SERAC1: variants seen among roughly 807,000 people sequenced by gnomAD.
The protein encoded by SERAC1 is serine active site containing 1, also known as protein SERAC1.
SERAC1 carries 36 observed loss-of-function variants against 85.7 expected under a neutral mutation model. The observed-to-expected ratio is 0.42, with a 90% CI of 0.32 to 0.55. SERAC1 has a LOEUF of 0.55. SERAC1 is among the 20% of genes least tolerant of loss of function. The probability of loss-of-function intolerance (pLI) is 0.11; values close to 1 mark genes in which losing one functional copy is unlikely to be tolerated. For missense variants in SERAC1, 629 were observed against 796.2 expected (o/e 0.79, Z 2.53); for synonymous variants, 242 against 265.3 (o/e 0.91, Z 0.85).
At chr6:158,125,326 T>A (rs777882623) in intron 10 of SERAC1, among the ~76,000 whole-genome samples, 2 of 152,184 alleles carry the variant, frequency 1.3e-5, no homozygotes, top group Non-Finnish European at 2.9e-5. Flanking sequence ...AATTCAAAAA[T>A]TTTTAAATAA....
intron 1 of SERAC1, 181 bp from the exon 2 acceptor site, chr6:158,158,545 T>C: frequency 2.0e-6 from 1 of 495,968 alleles, no homozygotes; most frequent in Non-Finnish European, 3.6e-6. Context: ...AAGGGACTTA[T>C]TAGAATAATA....
chr6:158,120,632 G>A lies in SERAC1; in HGVS notation c.1016-57C>T. On this transcript the variant is annotated intron_variant, in intron 10 of 16. Coordinates refer to ENST00000647468, the MANE Select transcript of SERAC1 (RefSeq NM_032861.4). This position sits in a 1 kb window ranked among gnomAD's most constrained non-coding sequence, Gnocchi z 4.4. Reference sequence around the variant, plus strand: ...ATGTGAATCCATCGCAGACCACAGAGAGAGTGAGGTTTCAAACTGAATATG... The same window carrying A: ...ATGTGAATCCATCGCAGACCACAGAAAGAGTGAGGTTTCAAACTGAATATG... The A allele has an allele frequency of 7.7e-6, 12 of 1,562,380 alleles. No individual in the cohort carries two copies. Among genetic ancestry groups the A allele is most frequent in the Non-Finnish European group, 1.0e-5 (12 of 1,151,902 alleles).
intron 8 of SERAC1, among the ~76,000 whole-genome samples, chr6:158,135,687 T>G (rs1784777100): frequency 6.6e-6 from 1 of 152,248 alleles, no homozygotes; most frequent in South Asian, 2.1e-4. Flanking sequence ...GGTCTGTACC[T>G]AATGAATGGC....
rs146485945 is a variant in SERAC1 at position 158,143,540 on chromosome 6, T to C, written c.610-356A>G. ...CTACTTCAAACTGACAGACCTATTG[T>C]AAACTTTAACTCTCAATGTTCATCT... On this transcript the variant is annotated intron_variant, in intron 7 of 16. Coordinates refer to ENST00000647468, the MANE Select transcript of SERAC1 (RefSeq NM_032861.4). 2.7e-4 allele frequency among the ~76,000 whole-genome samples: 41 copies of C among 152,266 alleles called. No individual in the cohort carries two copies. In the East Asian group the frequency reaches 5.2e-3, roughly 19 times the overall value.
chr6:158,142,452 G>A lies in SERAC1; in HGVS notation c.738+604C>T, dbSNP rs117512046. On this transcript the variant is annotated intron_variant, in intron 8 of 16. Transcript: ENST00000647468. ...AGCACTGGGCACTGGGATTACAGTT[G>A]TGAGCCACTGCCCTCAGCCCTATTC... Among the ~76,000 whole-genome samples, 51 of 151,044 alleles carry A rather than the reference G, an allele frequency of 3.4e-4. No homozygotes were observed. In the East Asian group the frequency reaches 1.0e-2, roughly 30 times the overall value.
intron 15 of SERAC1, 112 bp from the exon 16 acceptor site, chr6:158,113,704 G>T: frequency 1.0e-6 from 1 of 974,872 alleles, no homozygotes; most frequent in Non-Finnish European, 1.5e-6. Flanking sequence ...CAAGACGGTG[G>T]CTTGAGTACA....
rs1007942638 is a variant in SERAC1, at chr6:158,146,398, C to CTTTTTTTTT, written c.487+375_487+383dup. On this transcript the variant is annotated intron_variant, in intron 6 of 16. Transcript: ENST00000647468. ...CTGAATCTCACTCCCACTCCCTTGT[C>CTTTTTTTTT]TTTTTTTTTTTTTTTTTTTTTTTTT... 11 of 66,828 alleles carry CTTTTTTTTT rather than the reference C, an allele frequency of 1.6e-4. 1 individual carries two copies. Among genetic ancestry groups the CTTTTTTTTT allele is most frequent in the African/African-American group, 7.2e-4 (10 of 13,816 alleles). 4.1% of individuals were successfully genotyped at this position (66,828 alleles called of 1,614,324 possible).
chr6:158,138,063 C>A (rs1394415180), intron 8 of SERAC1, among the ~76,000 whole-genome samples: 1 of 152,130 alleles, frequency 6.6e-6, no homozygotes. Context: ...AACACACACA[C>A]ACATATGCAC....
intron 2 of SERAC1, among the ~76,000 whole-genome samples, chr6:158,156,048 C>A (rs1358621258): frequency 6.6e-6 from 1 of 152,110 alleles, no homozygotes; most frequent in African/African-American, 2.4e-5. Context: ...GCTCGGGAGG[C>A]TAAGGCAGGA....
chr6:158,144,671 C>T (rs935050573), intron 6 of SERAC1, among the ~76,000 whole-genome samples: 1 of 152,152 alleles, frequency 6.6e-6, no homozygotes, highest in Non-Finnish European at 1.5e-5. Context: ...AAAAAGGAAG[C>T]TCAAAGGTGG....
At position 158,120,433 on chromosome 6, in the gene SERAC1, A is replaced by T; in HGVS notation, c.1158T>A (p.Tyr386Ter). The stretch of plus-strand genomic sequence containing the variant: ...CTCTTCTGCTTCCTTACCTTGTTCG[A>T]TATTGGGGATGCAGCACATATACGC... The part of the protein sequence containing the change: ...QDGVYVLHPQ[Y>*]RTSQPIKADV... Residue 386 changes from tyrosine (Y) to a stop codon, truncating the protein, a stop_gained, in exon 11 of 17, where the codon TAT becomes TAA. Coordinates refer to ENST00000647468, the MANE Select transcript of SERAC1 (RefSeq NM_032861.4). LOFTEE classifies it high-confidence loss of function. This position sits in a 1 kb window ranked among gnomAD's most constrained non-coding sequence, Gnocchi z 4.4. 1 of 1,611,704 alleles carries T rather than the reference A, an allele frequency of 6.2e-7. No individual in the cohort carries two copies.
chr6:158,115,996 A>C (rs1055453046), intron 14 of SERAC1, among the ~76,000 whole-genome samples, 189 bp downstream of exon 14: 2 of 152,226 alleles, frequency 1.3e-5, no homozygotes, highest in Non-Finnish European at 2.9e-5. Context: ...CCTTTTCTAG[A>C]GAAAGGAACA....
chr6:158,121,876 G>A lies in SERAC1; in HGVS notation c.1016-1301C>T, dbSNP rs536300135. ...TTGACAAAATATGTTCACAATGTCC[G>A]AGATACTCCACCTTTGAAAAATATC... On this transcript the variant is annotated intron_variant, in intron 10 of 16. Coordinates refer to ENST00000647468, the MANE Select transcript of SERAC1 (RefSeq NM_032861.4). Among the ~76,000 whole-genome samples, 17 of 151,862 alleles carry A rather than the reference G, an allele frequency of 1.1e-4. 1 individual carries two copies. Among genetic ancestry groups the A allele is most frequent in the East Asian group, 3.9e-4 (2 of 5,158 alleles).
In SERAC1 at chr6:158,117,947, T is replaced by G. The variant is rs994706721; in HGVS notation, c.1309-126A>C. ...ATTAAAGATAGCACTGGAATAAGGTTTGAAGGTACCGTAAAAACAATTCCA... is the reference window on the plus strand; with the variant it reads ...ATTAAAGATAGCACTGGAATAAGGTGTGAAGGTACCGTAAAAACAATTCCA... On this transcript the variant is annotated intron_variant, in intron 12 of 16. Coordinates refer to ENST00000647468, the MANE Select transcript of SERAC1 (RefSeq NM_032861.4). This position sits in a 1 kb window ranked among gnomAD's most constrained non-coding sequence, Gnocchi z 4.3. The G allele has an allele frequency of 1.8e-5, 13 of 716,388 alleles. No individual in the cohort carries two copies. Among genetic ancestry groups the G allele is most frequent in the Non-Finnish European group, 2.8e-5 (12 of 433,334 alleles). 44.4% of individuals were successfully genotyped at this position (716,388 alleles called of 1,614,324 possible).
chr6:158,144,222 G>T, intron 7 of SERAC1, 77 bp downstream of exon 7: 2 of 1,181,080 alleles, frequency 1.7e-6, no homozygotes, highest in East Asian at 2.6e-5. Context: ...TTTTTAAAGT[G>T]TTTTGTACCC....
chr6:158,121,855 C>CA (rs2128412941), intron 10 of SERAC1, among the ~76,000 whole-genome samples: 1 of 151,630 alleles, frequency 6.6e-6, no homozygotes, highest in African/African-American at 2.4e-5. Context: ...TTTCAGTTGA[C>CA]AAAATATGTT....
chr6:158,164,998 T>A (rs1467240286), intron 1 of SERAC1, among the ~76,000 whole-genome samples: 1 of 152,150 alleles, frequency 6.6e-6, no homozygotes, highest in Non-Finnish European at 1.5e-5. Context: ...TTAAGGACGG[T>A]AGAGCAGCCA....
chr6:158,116,232 G>C lies in SERAC1; in HGVS notation c.1454C>G (p.Ala485Gly), dbSNP rs779401825. 13 of 1,613,954 alleles carry C rather than the reference G, an allele frequency of 8.1e-6. No homozygotes were observed. The highest frequency in any genetic ancestry group is 2.5e-6 in the Non-Finnish European group (3 of 1,179,992). ...SNELLRKLRA[A>G]GVGDRPVVWI... ...AACCACTGGCCTATCCCCAACACCA[G>C]CAGCTCTGAGCTTCCTAAGAAGTTC... is the stretch of plus-strand genomic sequence containing the variant. Residue 485 changes from alanine (A) to glycine (G), a missense_variant, in exon 14 of 17, where the codon GCT becomes GGT. Transcript: ENST00000647468.
intron 1 of SERAC1, among the ~76,000 whole-genome samples, chr6:158,167,649 C>T (rs1443320157): frequency 2.0e-5 from 3 of 151,160 alleles, no homozygotes; most frequent in East Asian, 1.9e-4. Flanking sequence ...TGACAGTGTT[C>T]CTTTAGACTT....
Sources: gnomAD v4.1 joint callset for allele counts (sites outside exome capture counted in the v4.1 genomes callset) on GRCh38, gnomAD v4.1.1 for gene constraint, Gnocchi (gnomAD v3.1) non-coding constraint, MANE v1.5 for transcripts, NCBI Gene and HGNC (gene_info 2026-07-23, HGNC 2026-07-21) for gene names.